EML4: variants seen among roughly 807,000 people sequenced by gnomAD.
EML4 encodes EMAP like 4, also known as echinoderm microtubule-associated protein-like 4.
In EML4, 72 loss-of-function variants were observed where a neutral mutation model predicts 129.0. That is an observed-to-expected ratio of 0.56 (90% confidence interval 0.46 to 0.68). The LOEUF is 0.68. Among genes scored for constraint, EML4 ranks in the 30% least tolerant of loss-of-function variants. The pLI is 0.00. For missense variants in EML4, 1,363 were observed against 1,190.6 expected, an observed-to-expected ratio of 1.14 and a Z score of -2.13; for synonymous variants, 532 against 405.0, an observed-to-expected ratio of 1.31 and a Z score of -3.77.
Position 42,301,231 on chromosome 2 carries a change from C to G in EML4, c.1490-10C>G. 2 of 1,597,336 alleles carry G rather than the reference C, an allele frequency of 1.3e-6. No individual in the cohort carries two copies. Among genetic ancestry groups the G allele is most frequent in the Non-Finnish European group, 8.5e-7 (1 of 1,174,050 alleles). On this transcript the variant is annotated splice_polypyrimidine_tract_variant and intron_variant, in intron 13 of 22. Transcript: ENST00000318522. The stretch of plus-strand genomic sequence containing the variant: ...TTATCACTAGTGTTTTTATTTTTCC[C>G]TCATATTAGGTGTATATCAAATCAG...
chr2:42,218,100 G>T (rs1406475896), intron 1 of EML4, among the ~76,000 whole-genome samples: 1 of 152,126 alleles, frequency 6.6e-6, no homozygotes, highest in African/African-American at 2.4e-5. Context: ...AGTGAGCAAA[G>T]CTTCATCTGT....
intron 1 of EML4, among the ~76,000 whole-genome samples, chr2:42,203,038 TAAG>T (rs80006157): frequency 2.0e-5 from 3 of 151,898 alleles, no homozygotes; most frequent in Admixed American, 6.6e-5. Flanking sequence ...CTAATAATAA[TAAG>T]AAGAAGAATA....
intron 1 of EML4, among the ~76,000 whole-genome samples, chr2:42,238,467 G>T (rs1183199572): frequency 6.6e-6 from 1 of 152,186 alleles, no homozygotes; most frequent in African/African-American, 2.4e-5. Flanking sequence ...ATGTGGTCTG[G>T]TGCAGTGGCT....
Position 42,330,157 on chromosome 2 carries a change from G to A in EML4, c.2896G>A (p.Ala966Thr), listed in dbSNP as rs1005938755. 1.9e-6 allele frequency: 3 copies of A among 1,612,058 alleles called. No individual in the cohort carries two copies. The highest frequency in any genetic ancestry group is 2.7e-5 in the African/African-American group (2 of 74,144). Reference protein sequence around the residue: ...EPCNEISKEQAKATLLEDQQD... With the variant: ...EPCNEISKEQTKATLLEDQQD... ...ATGCAACGAGATAAGCAAGGAGCAG[G>A]CCAAAGCCACCCTTCTGGAGGACCA... Residue 966 changes from alanine to threonine, a missense_variant, in exon 23 of 23, where the codon GCC (alanine) becomes ACC (threonine). Transcript: ENST00000318522.
chr2:42,181,093 G>T (rs577910242), intron 1 of EML4, among the ~76,000 whole-genome samples: 1 of 152,154 alleles, frequency 6.6e-6, no homozygotes, highest in African/African-American at 2.4e-5. Context: ...TGTCCATTCT[G>T]ATCACTTGGT....
At chr2:42,306,333 A>T (rs1668591635) in intron 17 of EML4, among the ~76,000 whole-genome samples, 1 of 152,178 alleles carries the variant, frequency 6.6e-6, no homozygotes, top group African/African-American at 2.4e-5. Flanking sequence ...TCTGAGGTGT[A>T]GTGCTGATCC....
intron 13 of EML4, among the ~76,000 whole-genome samples, chr2:42,297,917 T>A (rs1668052308): frequency 6.6e-6 from 1 of 152,236 alleles, no homozygotes; most frequent in Non-Finnish European, 1.5e-5. Flanking sequence ...TCCAAACCAT[T>A]TCTTCCTTAA....
In EML4 at chr2:42,245,642, T is replaced by C; in HGVS notation, c.163T>C (p.Ser55Pro). The C allele has an allele frequency of 6.2e-7, 1 of 1,613,442 alleles. No homozygotes were observed. Among genetic ancestry groups the C allele is most frequent in the Non-Finnish European group, 8.5e-7 (1 of 1,179,584 alleles). ...LADVLRRLAI[S>P]EDHVASVKKS... ...TGATGTTTTGAGGCGTCTTGCAATC[T>C]CTGAAGATCATGTGGCCTCAGTGAA... The change falls in exon 2 of 23, where the codon TCT (serine) becomes CCT (proline). Residue 55 changes from serine (S) to proline (P), a missense_variant. Ser to Pro is a moderately conservative substitution (Grantham distance 74). Transcript: ENST00000318522.
intron 2 of EML4, among the ~76,000 whole-genome samples, chr2:42,253,115 C>T (rs1428271169): frequency 6.6e-6 from 1 of 152,028 alleles, no homozygotes; most frequent in Non-Finnish European, 1.5e-5. Flanking sequence ...CATCCAGGTG[C>T]AGAAGTGCAG....
intron 6 of EML4, chr2:42,265,005 T>A (rs1188491737): frequency 6.7e-7 from 1 of 1,494,838 alleles, no homozygotes; most frequent in Non-Finnish European, 9.1e-7. Context: ...TTCCTGGATC[T>A]CTTATTTGGC....
At chr2:42,232,548 C>A (rs983526519) in intron 1 of EML4, among the ~76,000 whole-genome samples, 1 of 152,184 alleles carries the variant, frequency 6.6e-6, no homozygotes, top group Non-Finnish European at 1.5e-5. Context: ...TGTAATGTTT[C>A]AAACACATTA....
chr2:42,242,041 A>C (rs1675072454), intron 1 of EML4, among the ~76,000 whole-genome samples: 1 of 152,180 alleles, frequency 6.6e-6, no homozygotes, highest in South Asian at 2.1e-4. Flanking sequence ...GTCACTATCC[A>C]AGTTTCACAC....
Position 42,261,155 on chromosome 2 carries a change from CAG to C in EML4, c.379_380del (p.Glu127LysfsTer8). Reference protein sequence around the residue: ...TEKKKEKPQGQREKKEESHSN... With the variant: ...TEKKKEKPQGXREKKEESHSN... ...AAAAAAGAAAGAAAAACCACAAGGA[CAG>C]AGAGAAAAAAAAGAGGAATCTCATT... On this transcript the variant is annotated frameshift_variant, in exon 4 of 23. Transcript: ENST00000318522. LOFTEE classifies it high-confidence loss of function. The C allele has an allele frequency of 1.2e-6, 2 of 1,612,694 alleles. No homozygotes were observed. Among genetic ancestry groups the C allele is most frequent in the Non-Finnish European group, 1.7e-6 (2 of 1,179,334 alleles).
intron 1 of EML4, among the ~76,000 whole-genome samples, chr2:42,179,111 A>G (rs1407046619): frequency 2.0e-5 from 3 of 152,170 alleles, no homozygotes; most frequent in Non-Finnish European, 2.9e-5. Flanking sequence ...AATATCACCA[A>G]TGGATTTGTG....
In EML4 at chr2:42,303,490, C is replaced by T. The variant is rs779651950; in HGVS notation, c.1899+44C>T. 6 of 1,598,094 alleles carry T rather than the reference C, an allele frequency of 3.8e-6. No individual in the cohort carries two copies. The Admixed American group carries it at 8.5e-5, about 23-fold the overall frequency. Reference sequence around the variant, plus strand: ...GATTATTAACCTCCCCACAGAAACTCCTCACACTGGCAGTTGAGAGCAGCA... The same window carrying T: ...GATTATTAACCTCCCCACAGAAACTTCTCACACTGGCAGTTGAGAGCAGCA... On this transcript the variant is annotated intron_variant, in intron 16 of 22. Transcript: ENST00000318522.
chr2:42,325,402 G>A (rs2103827201), intron 19 of EML4, 65 bp from the exon 20 acceptor site: 1 of 738,852 alleles, frequency 1.4e-6, no homozygotes, highest in South Asian at 1.4e-5. Flanking sequence ...GTATTGGCTA[G>A]CTGTTGAACT....
intron 1 of EML4, among the ~76,000 whole-genome samples, chr2:42,201,229 G>A (rs937773986): frequency 7.9e-5 from 12 of 152,130 alleles, no homozygotes; most frequent in African/African-American, 2.4e-4. Flanking sequence ...AATTTATCAG[G>A]CATCACTCTG....
chr2:42,237,466 A>C (rs1284893336), intron 1 of EML4, among the ~76,000 whole-genome samples: 1 of 152,108 alleles, frequency 6.6e-6, no homozygotes, highest in Non-Finnish European at 1.5e-5. Context: ...TTAATTCTTT[A>C]ATCTTCTTGG....
chr2:42,247,511 G>A (rs993537122), intron 2 of EML4, among the ~76,000 whole-genome samples: 11 of 152,088 alleles, frequency 7.2e-5, no homozygotes, highest in Admixed American at 5.2e-4. Context: ...ATTTACAGTG[G>A]AGAGTTAGAT....
Sources: gnomAD v4.1 joint callset for allele counts (sites outside exome capture counted in the v4.1 genomes callset) on GRCh38, gnomAD v4.1.1 for gene constraint, MANE v1.5 for transcripts, NCBI Gene and HGNC (gene_info 2026-07-23, HGNC 2026-07-21) for gene names.